The following JARID2 variants were observed in gnomAD, a reference collection of about 807,000 sequenced individuals.
JARID2 encodes the protein protein Jumonji.
A neutral mutation model predicts 125.6 loss-of-function variants in JARID2; 21 were observed. The ratio of observed to expected loss-of-function variants is 0.17; its 90% CI spans 0.12 to 0.24. JARID2 has a LOEUF of 0.24. JARID2 is among the 10% of genes least tolerant of loss of function. The pLI, the probability that JARID2 is intolerant of heterozygous loss-of-function variation, is 1.00. For synonymous variants in JARID2, 736 were observed against 661.6 expected (o/e 1.11, Z -1.73); for missense variants, 1,303 against 1,639.6 (o/e 0.79, Z 3.55).
chr6:15,435,518 G>T (rs1767164451), intron 3 of JARID2, among the ~76,000 whole-genome samples: 1 of 152,146 alleles, frequency 6.6e-6, no homozygotes, highest in South Asian at 2.1e-4. Context: ...TCAAGTTCAG[G>T]TTTGTTTGTG....
intron 1 of JARID2, among the ~76,000 whole-genome samples, chr6:15,304,487 T>C (rs2127416873): frequency 6.6e-6 from 1 of 152,232 alleles, no homozygotes; most frequent in South Asian, 2.1e-4. Context: ...AGCCAGCTCA[T>C]GGTTACAGTC....
intron 1 of JARID2, among the ~76,000 whole-genome samples, chr6:15,284,578 C>G (rs1760920448): frequency 6.7e-6 from 1 of 148,904 alleles, no homozygotes; most frequent in Non-Finnish European, 1.5e-5. Flanking sequence ...TGGCGCGATT[C>G]CGGGTTCCAG....
chr6:15,375,917 A>T (rs1212765339), intron 2 of JARID2, among the ~76,000 whole-genome samples: 2 of 152,206 alleles, frequency 1.3e-5, no homozygotes, highest in Non-Finnish European at 2.9e-5. Context: ...CTTAACTGGG[A>T]AACACCAGCT....
intron 1 of JARID2, among the ~76,000 whole-genome samples, chr6:15,348,812 T>C (rs570481227): frequency 6.6e-6 from 1 of 152,346 alleles, no homozygotes; most frequent in South Asian, 2.1e-4. Context: ...GAGTAGGCTT[T>C]GCTGTTTAGG....
At chr6:15,327,582 T>TCCCC (rs1392321477) in intron 1 of JARID2, among the ~76,000 whole-genome samples, 1 of 151,736 alleles carries the variant, frequency 6.6e-6, no homozygotes, top group East Asian at 1.9e-4. Flanking sequence ...TGTGCGTGCA[T>TCCCC]CCCCGCATGC....
intron 1 of JARID2, among the ~76,000 whole-genome samples, chr6:15,293,914 A>T (rs1272934401): frequency 6.6e-6 from 1 of 152,240 alleles, no homozygotes; most frequent in Non-Finnish European, 1.5e-5. Flanking sequence ...CCTGCTGGTC[A>T]CAGGGCACCA....
chr6:15,416,381 A>C (rs570143125), intron 3 of JARID2, among the ~76,000 whole-genome samples: 1 of 152,118 alleles, frequency 6.6e-6, no homozygotes, highest in East Asian at 1.9e-4. Context: ...ACGCCACTGC[A>C]CTCCAGCCTG....
chr6:15,275,836 T>G (rs2127363666), intron 1 of JARID2, among the ~76,000 whole-genome samples: 1 of 152,204 alleles, frequency 6.6e-6, no homozygotes, highest in African/African-American at 2.4e-5. Context: ...ACAGGGAAGG[T>G]ACTGCGTGAA....
At chr6:15,291,442 C>T (rs1464037037) in intron 1 of JARID2, among the ~76,000 whole-genome samples, 3 of 152,176 alleles carry the variant, frequency 2.0e-5, no homozygotes, top group Non-Finnish European at 4.4e-5. Context: ...ATCTGTTTTC[C>T]CCTCCTGTTC....
At chr6:15,250,023 A>G (rs1266761130) in intron 1 of JARID2, among the ~76,000 whole-genome samples, 1 of 152,196 alleles carries the variant, frequency 6.6e-6, no homozygotes, top group Non-Finnish European at 1.5e-5. Flanking sequence ...CTGGGGCTTC[A>G]CCACTATTTG....
chr6:15,416,166 G>T (rs1486242479), intron 3 of JARID2, among the ~76,000 whole-genome samples: 5 of 151,662 alleles, frequency 3.3e-5, no homozygotes, highest in Non-Finnish European at 7.4e-5. Flanking sequence ...TTCCTAGATG[G>T]GATGGCGGCC....
At chr6:15,343,869 T>C (rs539896208) in intron 1 of JARID2, among the ~76,000 whole-genome samples, 49 of 152,314 alleles carry the variant, frequency 3.2e-4, no homozygotes, top group South Asian at 2.1e-3. Context: ...TGCCCTGGAC[T>C]TACATTACAA....
At chr6:15,394,796 G>C (rs1302995519) in intron 2 of JARID2, among the ~76,000 whole-genome samples, 10 of 152,166 alleles carry the variant, frequency 6.6e-5, no homozygotes, top group African/African-American at 2.2e-4. Flanking sequence ...AAGCTCCAAG[G>C]GTCAAGTAGT....
Position 15,500,899 on chromosome 6 carries a change from T to C in JARID2, c.1946-8T>C, listed in dbSNP as rs1385619429. On this transcript the variant is annotated splice_polypyrimidine_tract_variant and splice_region_variant and intron_variant, in intron 7 of 17. Transcript: ENST00000341776. ...ACTGTCCCGTTTTTTTCCCCTTCGC[T>C]GTCCCAGGGGGCTGTGAGCTCGACC... is the stretch of plus-strand genomic sequence containing the variant. The C allele has an allele frequency of 1.3e-6, 2 of 1,582,482 alleles. No homozygotes were observed. The highest frequency in any genetic ancestry group is 1.4e-5 in the African/African-American group (1 of 73,700).
At chr6:15,392,759 A>G in intron 2 of JARID2, among the ~76,000 whole-genome samples, 1 of 145,012 alleles carries the variant, frequency 6.9e-6, no homozygotes, top group Non-Finnish European at 1.5e-5. Context: ...GTCTTCGCTC[A>G]TTGTAACCTC....
intron 12 of JARID2, 93 bp from the exon 13 acceptor site, chr6:15,511,203 G>GCT: frequency 4.5e-6 from 4 of 886,544 alleles, no homozygotes; most frequent in Non-Finnish European, 7.6e-6. Context: ...CCTCTCGTGT[G>GCT]CTCGGGTCCC....
chr6:15,369,693 C>T (rs868214477), intron 1 of JARID2, among the ~76,000 whole-genome samples: 21 of 152,190 alleles, frequency 1.4e-4, no homozygotes, highest in African/African-American at 4.1e-4. Flanking sequence ...TCTAGAGGGT[C>T]GGGCAGGAGC....
At chr6:15,309,638 CATATA>C (rs925187676) in intron 1 of JARID2, among the ~76,000 whole-genome samples, 6 of 151,642 alleles carry the variant, frequency 4.0e-5, no homozygotes, top group African/African-American at 1.2e-4. Flanking sequence ...TATATGTATA[CATATA>C]ATATATAAAG....
At chr6:15,317,964 G>C (rs775059984) in intron 1 of JARID2, among the ~76,000 whole-genome samples, 3 of 152,242 alleles carry the variant, frequency 2.0e-5, no homozygotes, top group Non-Finnish European at 2.9e-5. Flanking sequence ...AGGATGGACA[G>C]TGAGGTAGAG....
Sources: gnomAD v4.1 joint callset for allele counts (sites outside exome capture counted in the v4.1 genomes callset) on GRCh38, gnomAD v4.1.1 for gene constraint, MANE v1.5 for transcripts, NCBI Gene and HGNC (gene_info 2026-07-23, HGNC 2026-07-21) for gene names.